EEA1: variants seen among roughly 807,000 people sequenced by gnomAD.
EEA1 encodes early endosome antigen 1, 162kD.
EEA1 carries 111 observed loss-of-function variants against 209.2 expected under a neutral mutation model. That is an observed-to-expected ratio of 0.53 (90% CI 0.45 to 0.62). The LOEUF (loss-of-function observed/expected upper bound fraction) is 0.62, where lower values mean the gene tolerates loss of function less well. EEA1 is among the 20% of genes least tolerant of loss of function. The pLI is 0.00. For synonymous variants in EEA1, 536 were observed against 540.6 expected, an observed-to-expected ratio of 0.99 and a Z score of 0.12; for missense variants, 1,343 against 1,530.8, an observed-to-expected ratio of 0.88 and a Z score of 2.05.
chr12:92,882,800 C>CT (rs762551859), intron 2 of EEA1, among the ~76,000 whole-genome samples: 17 of 152,084 alleles, frequency 1.1e-4, no homozygotes, highest in Non-Finnish European at 1.9e-4. Context: ...TGTACCATTT[C>CT]TTTTTTTTAT....
intron 5 of EEA1, among the ~76,000 whole-genome samples, chr12:92,855,385 G>T (rs11611447): frequency 2.0e-5 from 3 of 150,592 alleles, no homozygotes; most frequent in African/African-American, 7.3e-5. Context: ...AGCCGAGATC[G>T]CGCGCCACTG....
At chr12:92,839,964 G>A (rs966111235) in intron 10 of EEA1, among the ~76,000 whole-genome samples, 8 of 152,142 alleles carry the variant, frequency 5.3e-5, no homozygotes, top group African/African-American at 1.9e-4. Context: ...TCACCTCAGG[G>A]TCTCTCATGA....
chr12:92,858,982 C>T, intron 3 of EEA1: 1 of 684,832 alleles, frequency 1.5e-6, no homozygotes, highest in Non-Finnish European at 2.7e-6. Context: ...CTATGCTGCT[C>T]ATTCAGTGGC....
At chr12:92,900,917 C>T (rs944363765) in intron 1 of EEA1, among the ~76,000 whole-genome samples, 15 of 152,182 alleles carry the variant, frequency 9.9e-5, no homozygotes, top group African/African-American at 3.4e-4. Context: ...GATCCGCCCA[C>T]CTCAGCCTCC....
intron 22 of EEA1, among the ~76,000 whole-genome samples, chr12:92,785,679 T>A (rs1238981771): frequency 1.3e-5 from 2 of 152,182 alleles, no homozygotes; most frequent in Admixed American, 1.3e-4. Context: ...AGACTTTGAA[T>A]CAGAACTAAG....
At position 92,801,674 on chromosome 12, in the gene EEA1, G is replaced by C; in HGVS notation, c.2698C>G (p.Gln900Glu). Residue 900 changes from glutamine to glutamate, a missense_variant, in exon 20 of 29, where the codon CAA (glutamine) becomes GAA (glutamate). Physicochemically the swap from Gln to Glu is conservative, Grantham distance 29 (BLOSUM62 2). Coordinates refer to ENST00000322349, the MANE Select transcript of EEA1 (RefSeq NM_003566.4). ...GTGTTTTCCATCTGCACTTGAAGTT[G>C]ATGCTTTAATTCTTTGCAAGTTTTT... is the stretch of plus-strand genomic sequence containing the variant. ...LEKTCKELKH[Q>E]LQVQMENTLK... The C allele has an allele frequency of 2.5e-6, 4 of 1,593,934 alleles. No individual in the cohort carries two copies. Among genetic ancestry groups the C allele is most frequent in the Non-Finnish European group, 3.4e-6 (4 of 1,172,488 alleles).
chr12:92,783,222 C>T (rs1488647292), intron 22 of EEA1, among the ~76,000 whole-genome samples: 2 of 152,088 alleles, frequency 1.3e-5, no homozygotes, highest in African/African-American at 2.4e-5. Flanking sequence ...GGGGATTGAG[C>T]CCCCAATCTG....
chr12:92,911,996 A>G (rs1880599675), intron 1 of EEA1, among the ~76,000 whole-genome samples: 1 of 152,230 alleles, frequency 6.6e-6, no homozygotes, highest in African/African-American at 2.4e-5. Context: ...GGGATAACCA[A>G]ATAGCCCTGG....
intron 1 of EEA1, among the ~76,000 whole-genome samples, chr12:92,901,671 G>A (rs1005583900): frequency 6.6e-5 from 10 of 151,866 alleles, no homozygotes; most frequent in East Asian, 5.8e-4. Flanking sequence ...AGGTTCAGGC[G>A]ATTCTCCTGC....
intron 8 of EEA1, 123 bp downstream of exon 8, chr12:92,852,052 G>A: frequency 1.4e-6 from 1 of 697,068 alleles, no homozygotes; most frequent in Non-Finnish European, 2.2e-6. Context: ...TAGAATATAG[G>A]GAATTGCTTA....
chr12:92,851,114 T>G lies in EEA1; in HGVS notation c.795A>C (p.Ser265=). The change falls in exon 9 of 29, where the codon TCA becomes TCC. Residue 265 remains serine, a synonymous_variant. Coordinates refer to ENST00000322349, the MANE Select transcript of EEA1 (RefSeq NM_003566.4). ...TAAGTACAATGAACTTCATTACCTCTGAGCTAGCATATTGTGACTGCAATT... is the reference window on the plus strand; with the variant it reads ...TAAGTACAATGAACTTCATTACCTCGGAGCTAGCATATTGTGACTGCAATT... The part of the protein sequence containing the change: ...CKKLQSQYAS[S]EATISQLRSE... 2 of 1,613,206 alleles carry G rather than the reference T, an allele frequency of 1.2e-6. No individual in the cohort carries two copies. The highest frequency in any genetic ancestry group is 1.7e-6 in the Non-Finnish European group (2 of 1,179,532).
intron 9 of EEA1, among the ~76,000 whole-genome samples, chr12:92,848,722 CTTTTTTTTTTTTT>C (rs71069184): frequency 4.0e-4 from 26 of 64,550 alleles, no homozygotes; most frequent in Admixed American, 1.8e-3. Flanking sequence ...ATATTCTCAC[CTTTTTTTTTTTTT>C]TTTTTTTTTT....
At chr12:92,912,262 T>C (rs578161298) in intron 1 of EEA1, among the ~76,000 whole-genome samples, 41 of 152,310 alleles carry the variant, frequency 2.7e-4, no homozygotes, top group African/African-American at 9.6e-4. Context: ...TAGTTTGTTA[T>C]GGTAATTACC....
chr12:92,858,924 G>A (rs1002772619), intron 3 of EEA1: 6 of 703,962 alleles, frequency 8.5e-6, no homozygotes, highest in African/African-American at 5.2e-5. Context: ...GTTCATGGAG[G>A]AGGTGCCTTT....
At position 92,916,965 on chromosome 12, in the gene EEA1, G is replaced by A. The variant is rs555369154; in HGVS notation, c.24+12078C>T. Among the ~76,000 whole-genome samples, 4 of 151,816 alleles carry A rather than the reference G, an allele frequency of 2.6e-5. No homozygotes were observed. In the South Asian group the frequency reaches 6.2e-4, roughly 24 times the overall value. On this transcript the variant is annotated intron_variant, in intron 1 of 28. Transcript: ENST00000322349. ...GAAGAACGCAGAAGCCTCAGGAGCC[G>A]ACGCGATCAACTGGAAGAAAGGGTG...
At chr12:92,874,272 T>A (rs978213957) in intron 2 of EEA1, among the ~76,000 whole-genome samples, 1 of 151,994 alleles carries the variant, frequency 6.6e-6, no homozygotes, top group Admixed American at 6.6e-5. Context: ...GGTAGCCATG[T>A]TCACACCACT....
At chr12:92,813,527 CT>C (rs1402141167) in intron 15 of EEA1, among the ~76,000 whole-genome samples, 1 of 152,120 alleles carries the variant, frequency 6.6e-6, no homozygotes, top group Admixed American at 6.5e-5. Context: ...ACAACTGGCA[CT>C]TTGTAAAATT....
intron 2 of EEA1, among the ~76,000 whole-genome samples, chr12:92,871,588 A>T (rs957685235): frequency 1.3e-5 from 2 of 152,266 alleles, no homozygotes; most frequent in Non-Finnish European, 2.9e-5. Flanking sequence ...TTATAAAACA[A>T]GACAATGCAA....
chr12:92,792,523 A>C (rs1874453422), intron 21 of EEA1, among the ~76,000 whole-genome samples: 2 of 152,172 alleles, frequency 1.3e-5, no homozygotes, highest in Non-Finnish European at 1.5e-5. Flanking sequence ...AAACTAGAAA[A>C]TTTCTAGAAG....
Sources: gnomAD v4.1 joint callset for allele counts (sites outside exome capture counted in the v4.1 genomes callset) on GRCh38, gnomAD v4.1.1 for gene constraint, MANE v1.5 for transcripts, NCBI Gene and HGNC (gene_info 2026-07-23, HGNC 2026-07-21) for gene names.